The following PTPA variants were observed in gnomAD, a reference collection of about 807,000 sequenced individuals.
PTPA encodes serine/threonine-protein phosphatase 2A activator.
PTPA carries 13 observed loss-of-function variants against 43.6 expected under a neutral mutation model. The ratio of observed to expected loss-of-function variants is 0.30; its 90% CI spans 0.19 to 0.47. PTPA has a LOEUF of 0.47. Among genes scored for constraint, PTPA ranks in the 20% least tolerant of loss-of-function variants. The pLI is 0.99. For synonymous variants in PTPA, 172 were observed against 158.2 expected (o/e 1.09, Z -0.66); for missense variants, 329 against 411.9 (o/e 0.80, Z 1.74).
intron 9 of PTPA, among the ~76,000 whole-genome samples, chr9:129,144,760 A>C (rs1851183142): frequency 7.3e-6 from 1 of 136,900 alleles, no homozygotes; most frequent in Non-Finnish European, 1.6e-5. Context: ...AAAAAAGATC[A>C]CCAAGTCTTT....
At position 129,147,737 on chromosome 9, in the gene PTPA, T is replaced by C; in HGVS notation, c.*273T>C. 2.2e-6 allele frequency: 1 copy of C among 448,222 alleles called. No individual in the cohort carries two copies. Among genetic ancestry groups the C allele is most frequent in the South Asian group, 2.3e-5 (1 of 43,912 alleles). 27.8% of individuals were successfully genotyped at this position (448,222 alleles called of 1,614,324 possible). A position where few individuals can be genotyped will look rare whatever the true frequency, so the allele number is the denominator to read the frequency against. On this transcript the variant is annotated 3_prime_UTR_variant, in exon 10 of 10. Coordinates refer to ENST00000393370, the MANE Select transcript of PTPA (RefSeq NM_178000.3). ...GTCTGGGGCCTGGTCACTCGGCCACTCTCTCCTGTTTCTGGCCTCTTCTCC... is the reference window on the plus strand; with the variant it reads ...GTCTGGGGCCTGGTCACTCGGCCACCCTCTCCTGTTTCTGGCCTCTTCTCC...
At chr9:129,133,024 T>C (rs1336919355) in intron 5 of PTPA, among the ~76,000 whole-genome samples, 2 of 152,078 alleles carry the variant, frequency 1.3e-5, no homozygotes, top group African/African-American at 2.4e-5. Flanking sequence ...CTCTCAAAAA[T>C]ATAGAAGGGA....
At chr9:129,143,583 G>A in intron 9 of PTPA, 1 of 633,118 alleles carries the variant, frequency 1.6e-6, no homozygotes, top group Non-Finnish European at 2.8e-6. Flanking sequence ...CAGTTGGCTT[G>A]GCTCCCTGCA....
chr9:129,145,350 C>T (rs1210827154), intron 9 of PTPA, among the ~76,000 whole-genome samples: 1 of 151,728 alleles, frequency 6.6e-6, no homozygotes. Context: ...AAAAAAAGAT[C>T]ACCAAGTCTT....
intron 6 of PTPA, among the ~76,000 whole-genome samples, chr9:129,135,324 C>T (rs143718016): frequency 0.013 from 1,937 of 152,032 alleles, 72 homozygotes; most frequent in Admixed American, 0.09. Context: ...ACCCAGGAGG[C>T]GGAGGTTGCA....
At chr9:129,118,000 G>A (rs1848994641) in intron 1 of PTPA, among the ~76,000 whole-genome samples, 1 of 151,414 alleles carries the variant, frequency 6.6e-6, no homozygotes, top group Non-Finnish European at 1.5e-5. Context: ...TGCCGGACCT[G>A]GGCATATCAT....
chr9:129,136,055 C>G (rs1228523912), intron 6 of PTPA, among the ~76,000 whole-genome samples: 1 of 152,018 alleles, frequency 6.6e-6, no homozygotes, highest in Non-Finnish European at 1.5e-5. Flanking sequence ...GCAAGCTCTG[C>G]CTCCTGGGTT....
chr9:129,138,169 C>T (rs936256504), intron 8 of PTPA: 13 of 215,308 alleles, frequency 6.0e-5, no homozygotes, highest in South Asian at 2.2e-4. Flanking sequence ...TGCCTGAGGA[C>T]GTGGGCCCGA....
chr9:129,119,328 AAG>A (rs36089169), intron 1 of PTPA, among the ~76,000 whole-genome samples: 88,281 of 151,784 alleles, frequency 0.58, 28,056 homozygotes, highest in Non-Finnish European at 0.7. Context: ...CTTATCCAGA[AAG>A]AGAAATCACA....
In PTPA at chr9:129,134,835, C is replaced by T; in HGVS notation, c.501C>T (p.Cys167=). 6.2e-7 allele frequency: 1 copy of T among 1,614,146 alleles called. No individual in the cohort carries two copies. The highest frequency in any genetic ancestry group is 2.2e-5 in the East Asian group (1 of 44,880). The change falls in exon 6 of 10, where the codon TGC becomes TGT. Residue 167 remains cysteine (C), a synonymous_variant. Coordinates refer to ENST00000393370, the MANE Select transcript of PTPA (RefSeq NM_178000.3). Reference sequence around the variant, plus strand: ...TCGCTGCTTTCCTCTGCTGTCTCTGCAAGATTGGGGTGCTCCGGGTGGATG... The same window carrying T: ...TCGCTGCTTTCCTCTGCTGTCTCTGTAAGATTGGGGTGCTCCGGGTGGATG... The part of the protein sequence containing the change: ...AAFAAFLCCL[C]KIGVLRVDDQ...
intron 1 of PTPA, among the ~76,000 whole-genome samples, chr9:129,113,543 C>T (rs1400951673): frequency 1.3e-5 from 2 of 151,488 alleles, no homozygotes; most frequent in African/African-American, 4.8e-5. Flanking sequence ...CCGACACAGG[C>T]GGATCACTTG....
At position 129,137,361 on chromosome 9, in the gene PTPA, G is replaced by A. The variant is rs76486449; in HGVS notation, c.686-231G>A. ...GTGCTCTTCTTGTCCCCAGTGTCCA[G>A]GTGAGGAAACTGAACCTTGGCAGGC... On this transcript the variant is annotated intron_variant, in intron 7 of 9. Coordinates refer to ENST00000393370, the MANE Select transcript of PTPA (RefSeq NM_178000.3). Among the ~76,000 whole-genome samples, 14 of 152,358 alleles carry A rather than the reference G, an allele frequency of 9.2e-5. No homozygotes were observed. In the East Asian group the frequency reaches 2.7e-3, roughly 29 times the overall value.
At chr9:129,135,187 G>A (rs914178587) in intron 6 of PTPA, among the ~76,000 whole-genome samples, 1 of 152,240 alleles carries the variant, frequency 6.6e-6, no homozygotes, top group African/African-American at 2.4e-5. Context: ...GAGGTCAGGT[G>A]TTCGACACCA....
At chr9:129,116,488 G>A (rs1259566067) in intron 1 of PTPA, among the ~76,000 whole-genome samples, 2 of 148,184 alleles carry the variant, frequency 1.3e-5, no homozygotes, top group Admixed American at 6.9e-5. Context: ...CCATGTTCTC[G>A]CCATTCTCCT....
intron 9 of PTPA, among the ~76,000 whole-genome samples, chr9:129,145,402 C>A: frequency 6.6e-6 from 1 of 152,210 alleles, no homozygotes; most frequent in East Asian, 1.9e-4. Context: ...AGCAACTAGC[C>A]CTTAGTCCTT....
At chr9:129,114,033 T>C (rs1848712204) in intron 1 of PTPA, among the ~76,000 whole-genome samples, 1 of 152,110 alleles carries the variant, frequency 6.6e-6, no homozygotes. Context: ...ACTTCTTCTT[T>C]TTAGTTTTTT....
chr9:129,137,825 T>C, intron 8 of PTPA, 133 bp downstream of exon 8: 1 of 838,918 alleles, frequency 1.2e-6, no homozygotes, highest in Non-Finnish European at 2.0e-6. Flanking sequence ...AGCGGGTTAT[T>C]GAAAAGGAAG....
At chr9:129,138,425 C>G (rs1342411414) in intron 8 of PTPA, among the ~76,000 whole-genome samples, 2 of 152,226 alleles carry the variant, frequency 1.3e-5, no homozygotes, top group Admixed American at 6.5e-5. Flanking sequence ...TGCATCTAAA[C>G]ACACGTGCCA....
intron 8 of PTPA, 107 bp from the exon 9 acceptor site, chr9:129,142,330 GTGTGCGTT>G: frequency 1.1e-6 from 1 of 893,580 alleles, no homozygotes; most frequent in Non-Finnish European, 1.7e-6. Flanking sequence ...CATTGTGTGC[GTGTGCGTT>G]TGTGTGTGTG....
Sources: gnomAD v4.1 joint callset for allele counts (sites outside exome capture counted in the v4.1 genomes callset) on GRCh38, gnomAD v4.1.1 for gene constraint, MANE v1.5 for transcripts, NCBI Gene and HGNC (gene_info 2026-07-23, HGNC 2026-07-21) for gene names.